RUFY2: variants seen among roughly 807,000 people sequenced by gnomAD.
RUFY2 encodes RUN and FYVE domain containing 2, also known as RUN and FYVE domain-containing protein 2.
RUFY2 carries 49 observed loss-of-function variants against 94.4 expected under a neutral mutation model. The ratio of observed to expected loss-of-function variants is 0.52; its 90% CI spans 0.41 to 0.66. The LOEUF is 0.66. RUFY2 is among the 30% of genes least tolerant of loss of function. The pLI, the probability that RUFY2 is intolerant of heterozygous loss-of-function variation, is 0.00. For missense variants in RUFY2, 541 were observed against 692.8 expected (o/e 0.78, Z 2.46); for synonymous variants, 255 against 235.7 (o/e 1.08, Z -0.75).
intron 4 of RUFY2, among the ~76,000 whole-genome samples, chr10:68,396,515 T>G (rs58601964): frequency 6.6e-6 from 1 of 151,736 alleles, no homozygotes. Context: ...AAAGAAAAAA[T>G]TTTTAAACAA....
intron 15 of RUFY2, among the ~76,000 whole-genome samples, chr10:68,360,264 C>A (rs931970666): frequency 6.6e-6 from 1 of 151,054 alleles, no homozygotes; most frequent in Non-Finnish European, 1.5e-5. Context: ...ATAGTGAGAC[C>A]CCGCCTCCAT....
At chr10:68,380,407 A>C (rs1201788008) in intron 11 of RUFY2, among the ~76,000 whole-genome samples, 1 of 151,942 alleles carries the variant, frequency 6.6e-6, no homozygotes, top group Non-Finnish European at 1.5e-5. Context: ...AAGAAAAAAA[A>C]ATTAAAAAAT....
intron 16 of RUFY2, among the ~76,000 whole-genome samples, chr10:68,352,003 G>C (rs1189164851): frequency 6.6e-6 from 1 of 150,652 alleles, no homozygotes; most frequent in African/African-American, 2.4e-5. Context: ...GTTGCAGTGA[G>C]CCGAGATCAT....
At chr10:68,341,344 T>C (rs369256349), downstream of RUFY2, 2 of 1,576,678 alleles carry the variant, frequency 1.3e-6, no homozygotes, top group African/African-American at 2.8e-5. Context: ...TCTTATTTCC[T>C]AAACGTGAAT....
Position 68,345,994 on chromosome 10 carries a change from T to C in RUFY2, c.1677+13A>G, listed in dbSNP as rs1233451075. The C allele has an allele frequency of 1.2e-6, 2 of 1,612,732 alleles. No homozygotes were observed. The highest frequency in any genetic ancestry group is 1.7e-6 in the Non-Finnish European group (2 of 1,179,370). ...CACTCCAAATTTTTGGACTCACTTC[T>C]TATCTCCCTTACCTTTCTCTTAGAG... On this transcript the variant is annotated intron_variant, in intron 17 of 17. Transcript: ENST00000602465.
intron 13 of RUFY2, among the ~76,000 whole-genome samples, chr10:68,366,836 A>G (rs11594235): frequency 0.11 from 15,587 of 140,492 alleles, 1,067 homozygotes; most frequent in East Asian, 0.21. Flanking sequence ...ATATTATAAT[A>G]ATATATAATA....
At chr10:68,367,159 A>C (rs1285189743) in intron 13 of RUFY2, among the ~76,000 whole-genome samples, 1 of 152,010 alleles carries the variant, frequency 6.6e-6, no homozygotes, top group Non-Finnish European at 1.5e-5. Context: ...CAAAAAAAAA[A>C]ATAGTGGTAT....
At position 68,378,617 on chromosome 10, in the gene RUFY2, C is replaced by T. The variant is rs759904342; in HGVS notation, c.1205+807G>A. On this transcript the variant is annotated intron_variant, in intron 12 of 17. Transcript: ENST00000602465. ...CTGGTCCTGCGTGTCACTGCTGGCACATTTCACCAATGACATTGCAATTGT... is the reference window on the plus strand; with the variant it reads ...CTGGTCCTGCGTGTCACTGCTGGCATATTTCACCAATGACATTGCAATTGT... The T allele has an allele frequency of 3.1e-6, 5 of 1,612,808 alleles. No homozygotes were observed. The Admixed American group carries it at 5.0e-5, about 16-fold the overall frequency.
At chr10:68,350,021 T>C (rs2046555569) in intron 16 of RUFY2, among the ~76,000 whole-genome samples, 1 of 151,986 alleles carries the variant, frequency 6.6e-6, no homozygotes, top group African/African-American at 2.4e-5. Flanking sequence ...CATATTATTT[T>C]ATTATTTAGA....
intron 3 of RUFY2, among the ~76,000 whole-genome samples, chr10:68,398,062 G>A (rs907076925): frequency 6.7e-6 from 1 of 149,682 alleles, no homozygotes; most frequent in Non-Finnish European, 1.5e-5. Flanking sequence ...GGGAGGCGGA[G>A]GGTACAGTCA....
chr10:68,386,649 C>A (rs1340425891), intron 7 of RUFY2, among the ~76,000 whole-genome samples: 1 of 152,054 alleles, frequency 6.6e-6, no homozygotes, highest in African/African-American at 2.4e-5. Context: ...ACCCGGCCTA[C>A]TCATTTTTTT....
intron 3 of RUFY2, among the ~76,000 whole-genome samples, chr10:68,400,362 C>G (rs2050720332): frequency 6.6e-6 from 1 of 151,896 alleles, no homozygotes; most frequent in Non-Finnish European, 1.5e-5. Flanking sequence ...AGAACACTTA[C>G]ATTTTAATTA....
intron 1 of RUFY2, chr10:68,405,474 G>T (rs1002946721): frequency 2.1e-6 from 2 of 974,392 alleles, no homozygotes; most frequent in Non-Finnish European, 2.4e-6. Context: ...TTTTTAAAAT[G>T]ATCTTCTATG....
intron 14 of RUFY2, 60 bp downstream of exon 14, chr10:68,363,924 T>A: frequency 7.7e-7 from 1 of 1,302,170 alleles, no homozygotes; most frequent in East Asian, 2.4e-5. Flanking sequence ...TTATGATTTA[T>A]CTTTTTAAAT....
At chr10:68,371,050 T>A (rs1016794272) in intron 13 of RUFY2, among the ~76,000 whole-genome samples, 3 of 147,568 alleles carry the variant, frequency 2.0e-5, no homozygotes, top group African/African-American at 7.6e-5. Context: ...GAGAATGGAG[T>A]GAACCCAGGA....
At chr10:68,381,929 C>T (rs776509694) in intron 10 of RUFY2, among the ~76,000 whole-genome samples, 2 of 152,132 alleles carry the variant, frequency 1.3e-5, no homozygotes, top group Non-Finnish European at 2.9e-5. Flanking sequence ...TACTCTTTAA[C>T]GGTCCAAGAA....
chr10:68,390,966 G>A (rs541998421), intron 7 of RUFY2, among the ~76,000 whole-genome samples: 44 of 137,348 alleles, frequency 3.2e-4, no homozygotes, highest in African/African-American at 1.0e-3. Context: ...ATGGAGTCTC[G>A]TTACGTCGCC....
At chr10:68,401,390 C>A (rs1243790189) in intron 3 of RUFY2, among the ~76,000 whole-genome samples, 2 of 152,104 alleles carry the variant, frequency 1.3e-5, no homozygotes, top group African/African-American at 4.8e-5. Flanking sequence ...TCCTACAATA[C>A]AAGGCAGAAT....
intron 11 of RUFY2, 117 bp downstream of exon 11, chr10:68,381,115 T>C (rs1050133434): frequency 2.9e-5 from 17 of 595,798 alleles, no homozygotes; most frequent in Admixed American, 3.8e-5. Context: ...AAAAAGACAT[T>C]GGCCTTTATA....
Sources: gnomAD v4.1 joint callset for allele counts (sites outside exome capture counted in the v4.1 genomes callset) on GRCh38, gnomAD v4.1.1 for gene constraint, MANE v1.5 for transcripts, NCBI Gene and HGNC (gene_info 2026-07-23, HGNC 2026-07-21) for gene names.